Variants in QNG1 observed in about 807,000 individuals in gnomAD.
QNG1 encodes the protein Q-nucleotide N-glycosylase 1, also known as queuosine 5'-phosphate N-glycosylase/hydrolase.
the QNG1 span, chr9:83,955,450 A>G: frequency 6.2e-7 from 1 of 1,614,160 alleles, no homozygotes; most frequent in Non-Finnish European, 8.5e-7. Flanking sequence ...TCTGCGCACT[A>G]TTCTCACTTT....
chr9:83,941,572 C>A, the QNG1 span, among the ~76,000 whole-genome samples: 14 of 152,068 alleles, frequency 9.2e-5, no homozygotes, highest in Non-Finnish European at 1.2e-4. Context: ...GCCTTGGTGA[C>A]AGAGTAAGAC....
the QNG1 span, chr9:83,944,778 A>T: frequency 6.3e-7 from 1 of 1,589,872 alleles, no homozygotes; most frequent in Non-Finnish European, 8.6e-7. Context: ...ACAAAGAATG[A>T]CTTAAAGTTG....
chr9:83,944,431 T>C, the QNG1 span, among the ~76,000 whole-genome samples: 1 of 152,234 alleles, frequency 6.6e-6, no homozygotes. Flanking sequence ...CAATTCATAT[T>C]ACCTATCTTT....
At chr9:83,952,694 C>A in the QNG1 span, among the ~76,000 whole-genome samples, 1 of 150,872 alleles carries the variant, frequency 6.6e-6, no homozygotes, top group African/African-American at 2.4e-5. Context: ...ACGAGGGAGG[C>A]TGAGGCAGGA....
the QNG1 span, among the ~76,000 whole-genome samples, chr9:83,954,426 A>G: frequency 6.6e-6 from 1 of 152,276 alleles, no homozygotes; most frequent in Admixed American, 6.5e-5. Flanking sequence ...TAAAAATACA[A>G]AAAAACTTAG....
chr9:83,954,788 G>A, the QNG1 span, among the ~76,000 whole-genome samples: 18 of 144,626 alleles, frequency 1.2e-4, no homozygotes, highest in East Asian at 3.5e-3. Flanking sequence ...ACTGAGGCAG[G>A]TGAATCACCT....
At chr9:83,945,158 C>T in the QNG1 span, among the ~76,000 whole-genome samples, 1 of 151,944 alleles carries the variant, frequency 6.6e-6, no homozygotes, top group African/African-American at 2.4e-5. Flanking sequence ...AATCCCAGCA[C>T]TTTGGGAGGC....
At chr9:83,942,040 A>C in the QNG1 span, among the ~76,000 whole-genome samples, 1 of 152,226 alleles carries the variant, frequency 6.6e-6, no homozygotes, top group African/African-American at 2.4e-5. Context: ...GGAAAGAGGC[A>C]AGGTAGAATT....
the QNG1 span, chr9:83,939,806 T>C: frequency 6.4e-6 from 7 of 1,095,316 alleles, no homozygotes; most frequent in Admixed American, 8.8e-5. Context: ...ACTTGAACTT[T>C]CCTGTAGAAC....
chr9:83,939,421 G>A, the QNG1 span: 11,516 of 856,226 alleles, frequency 0.013, 129 homozygotes, highest in Non-Finnish European at 0.014. Context: ...CTATAACCTC[G>A]ATCATGTTCT....
At chr9:83,956,646 G>A in the QNG1 span, 5 of 622,530 alleles carry the variant, frequency 8.0e-6, no homozygotes, top group Admixed American at 1.4e-4. Context: ...AGAACTTAGT[G>A]CAGCCAAGGT....
the QNG1 span, chr9:83,955,704 T>G: frequency 2.2e-5 from 33 of 1,467,072 alleles, no homozygotes; most frequent in African/African-American, 4.5e-4. Flanking sequence ...AAACCCTTGC[T>G]TTTACAACAT....
At chr9:83,954,648 G>A in the QNG1 span, among the ~76,000 whole-genome samples, 17 of 151,760 alleles carry the variant, frequency 1.1e-4, no homozygotes, top group Middle Eastern at 6.8e-3. Flanking sequence ...TTGGGAGACC[G>A]AGGTGGGTGG....
the QNG1 span, among the ~76,000 whole-genome samples, chr9:83,944,389 G>A: frequency 6.6e-6 from 1 of 152,160 alleles, no homozygotes; most frequent in Non-Finnish European, 1.5e-5. Flanking sequence ...AGATATCCCA[G>A]TGCAGACCTT....
At chr9:83,947,738 C>T in the QNG1 span, among the ~76,000 whole-genome samples, 2 of 152,252 alleles carry the variant, frequency 1.3e-5, no homozygotes, top group Admixed American at 1.3e-4. Context: ...TGGTCTCCAG[C>T]TCCTGACCGC....
chr9:83,943,405 C>T, the QNG1 span, among the ~76,000 whole-genome samples: 3 of 141,388 alleles, frequency 2.1e-5, no homozygotes, highest in Non-Finnish European at 4.6e-5. Flanking sequence ...TACTCAGAGA[C>T]AGGAATGAAC....
the QNG1 span, among the ~76,000 whole-genome samples, chr9:83,947,280 CAAAT>C: frequency 3.9e-5 from 6 of 151,960 alleles, no homozygotes; most frequent in East Asian, 1.2e-3. Flanking sequence ...ATGACATAAA[CAAAT>C]AAATACGAGA....
chr9:83,953,001 G>A, the QNG1 span, among the ~76,000 whole-genome samples: 1 of 151,818 alleles, frequency 6.6e-6, no homozygotes, highest in South Asian at 2.1e-4. Flanking sequence ...GGGCATGGTG[G>A]CTCAAGCCTG....
the QNG1 span, chr9:83,956,770 C>G: frequency 5.3e-6 from 2 of 377,292 alleles, no homozygotes; most frequent in Non-Finnish European, 9.5e-6. Context: ...CACGCCCTCT[C>G]GGGCGCGCTC....
Sources: allele counts gnomAD v4.1 joint callset (sites outside exome capture counted in the v4.1 genomes callset), GRCh38; gene constraint gnomAD v4.1.1; transcripts MANE v1.5; gene names NCBI Gene and HGNC (gene_info 2026-07-23, HGNC 2026-07-21).